Variants in SLC49A3 observed in about 807,000 individuals in gnomAD.
SLC49A3 encodes the protein solute carrier family 49 member A3.
Under a neutral mutation model 43.8 loss-of-function variants are expected in SLC49A3, and 50 were observed. The ratio of observed to expected loss-of-function variants is 1.14; its 90% CI spans 0.91 to 1.45. The LOEUF is 1.45. Ranked by LOEUF, SLC49A3 falls within the 40% of genes most tolerant of loss-of-function variation. The probability of loss-of-function intolerance (pLI) is 0.00; values close to 1 mark genes in which losing one functional copy is unlikely to be tolerated. For missense variants in SLC49A3, 906 were observed against 774.1 expected (o/e 1.17, Z -2.02); for synonymous variants, 413 against 352.0 (o/e 1.17, Z -1.94).
At chr4:680,082 T>A, downstream of SLC49A3, 1 of 1,373,772 alleles carries the variant, frequency 7.3e-7, no homozygotes, top group Non-Finnish European at 1.0e-6. Flanking sequence ...GATCCGGACA[T>A]TTCACGTAAA....
downstream of SLC49A3, chr4:679,023 T>C (rs1739149871): frequency 6.2e-7 from 1 of 1,613,670 alleles, no homozygotes; most frequent in Non-Finnish European, 8.5e-7. Flanking sequence ...AGGACACCTA[T>C]GCCTCCCTGG....
chr4:679,273 G>GAAGCTGCGA, downstream of SLC49A3: 1 of 400,456 alleles, frequency 2.5e-6, no homozygotes, highest in Non-Finnish European at 4.1e-6. Flanking sequence ...AACTCAGAGT[G>GAAGCTGCGA]GGCTTTGAGG....
At chr4:683,446 C>T (rs530048051) in intron 7 of SLC49A3, 79 bp from the exon 8 acceptor site, 3 of 1,540,362 alleles carry the variant, frequency 1.9e-6, no homozygotes, top group African/African-American at 1.4e-5. Context: ...GGACATGGGA[C>T]ACGGGGCAGG....
chr4:679,085 G>C (rs1474610154), downstream of SLC49A3: 13 of 1,457,298 alleles, frequency 8.9e-6, no homozygotes, highest in Admixed American at 1.9e-5. Context: ...CGAACACAGA[G>C]GTCCTCCAGC....
chr4:687,015 G>A (rs906114327), intron 1 of SLC49A3, among the ~76,000 whole-genome samples: 4 of 152,348 alleles, frequency 2.6e-5, no homozygotes, highest in South Asian at 2.1e-4. Context: ...AAAGGTGGGC[G>A]TGACGGGGTC....
chr4:688,871 G>A lies in SLC49A3; in HGVS notation c.135+122C>T. 5.7e-6 allele frequency: 8 copies of A among 1,396,704 alleles called. No homozygotes were observed. The East Asian group carries it at 2.1e-4, about 37-fold the overall frequency. The allele number at this position is 1,396,704 out of a possible 1,614,324, so 86.5% of individuals were successfully genotyped here. A position where few individuals can be genotyped will look rare whatever the true frequency, so the allele number is the denominator to read the frequency against. Reference sequence around the variant, plus strand: ...TGCCCGCAATCCCTAGCCACCTCCAGAAGGCACCCCCCGCCCCCAGCCAGC... The same window carrying A: ...TGCCCGCAATCCCTAGCCACCTCCAAAAGGCACCCCCCGCCCCCAGCCAGC... On this transcript the variant is annotated intron_variant, in intron 1 of 9. Transcript: ENST00000322224.
At chr4:681,683 C>CT (rs1405727773), downstream of SLC49A3, 2 of 45,750 alleles carry the variant, frequency 4.4e-5, no homozygotes, top group African/African-American at 1.9e-4. Context: ...CAGCGCCGCC[C>CT]CGCCCCCTCC....
chr4:680,800 G>C (rs763612779), downstream of SLC49A3: 59 of 643,670 alleles, frequency 9.2e-5, no homozygotes, highest in Non-Finnish European at 1.3e-4. Flanking sequence ...TGGGGGTGGG[G>C]CGGCTTCCCC....
chr4:690,453 C>T (rs1326087947), upstream of SLC49A3, among the ~76,000 whole-genome samples: 1 of 152,152 alleles, frequency 6.6e-6, no homozygotes, highest in Non-Finnish European at 1.5e-5. Context: ...TCTTGCTCGC[C>T]CTGCCCTGAG....
intron 2 of SLC49A3, 97 bp from the exon 3 acceptor site, chr4:686,399 C>G (rs1249806199): frequency 3.8e-6 from 6 of 1,570,078 alleles, no homozygotes; most frequent in Non-Finnish European, 5.2e-6. Context: ...CTGCCGCCAC[C>G]TCGACGGCTC....
At chr4:687,766 G>C (rs969213414) in intron 1 of SLC49A3, 2 of 152,446 alleles carry the variant, frequency 1.3e-5, no homozygotes, top group South Asian at 2.1e-4. Flanking sequence ...GCACTGGGCT[G>C]CCTTCCGGGG....
At chr4:677,952 G>A (rs1307067318), downstream of SLC49A3, 7 of 1,612,450 alleles carry the variant, frequency 4.3e-6, no homozygotes, top group East Asian at 2.2e-5. Flanking sequence ...AACTGTCCTG[G>A]GGGACCAAGC....
intron 2 of SLC49A3, 61 bp from the exon 3 acceptor site, chr4:686,363 C>A (rs1741032322): frequency 6.3e-7 from 1 of 1,580,932 alleles, no homozygotes; most frequent in Non-Finnish European, 8.6e-7. Flanking sequence ...GTGCCTGCCC[C>A]GTCCCCCGAG....
chr4:683,894 C>T (rs892576822), intron 6 of SLC49A3, 133 bp from the exon 7 acceptor site: 16 of 1,186,854 alleles, frequency 1.3e-5, no homozygotes, highest in East Asian at 5.6e-5. Flanking sequence ...AGCTTCCAGA[C>T]GCACCGCTGG....
At chr4:682,448 C>T (rs1352567373) in intron 9 of SLC49A3, 72 bp from the exon 10 acceptor site, 4 of 1,284,440 alleles carry the variant, frequency 3.1e-6, no homozygotes, top group African/African-American at 3.0e-5. Context: ...CCAATGCTGG[C>T]CTATGGTGAC....
At position 685,796 on chromosome 4, in the gene SLC49A3, A is replaced by G. The variant is rs1399389445; in HGVS notation, c.585+39T>C. ...AACACACAGACGTGCATGCGCACAC[A>G]CCACACAGACCAGGCACGGGCGTCT... On this transcript the variant is annotated intron_variant, in intron 4 of 9. Transcript: ENST00000322224. The surrounding 1 kb of genome is among the most constrained non-coding windows in gnomAD (Gnocchi z 4.3). 1 of 1,606,864 alleles carries G rather than the reference A, an allele frequency of 6.2e-7. No individual in the cohort carries two copies. Among genetic ancestry groups the G allele is most frequent in the Admixed American group, 1.7e-5 (1 of 59,964 alleles).
chr4:680,744 G>A, downstream of SLC49A3: 1 of 771,414 alleles, frequency 1.3e-6, no homozygotes, highest in Middle Eastern at 2.7e-4. Context: ...TCCCAGCTGA[G>A]TGGGAGGCCA....
downstream of SLC49A3, chr4:680,912 C>T (rs552759390): frequency 4.6e-5 from 33 of 723,410 alleles, no homozygotes; most frequent in South Asian, 4.4e-4. Context: ...GCGGCTCCCC[C>T]AGAAGTGATG....
At chr4:688,879 C>T in intron 1 of SLC49A3, 114 bp downstream of exon 1, 3 of 1,412,644 alleles carry the variant, frequency 2.1e-6, no homozygotes, top group South Asian at 1.5e-5. Flanking sequence ...CAGAAGGCAC[C>T]CCCCGCCCCC....
Sources: gnomAD v4.1 joint callset for allele counts (sites outside exome capture counted in the v4.1 genomes callset) on GRCh38, gnomAD v4.1.1 for gene constraint, Gnocchi (gnomAD v3.1) non-coding constraint, MANE v1.5 for transcripts, NCBI Gene and HGNC (gene_info 2026-07-23, HGNC 2026-07-21) for gene names.